The following LONP2 variants were observed in gnomAD, a reference collection of about 807,000 sequenced individuals.
LONP2 encodes lon protease homolog 2, peroxisomal.
LONP2 carries 60 observed loss-of-function variants against 85.6 expected under a neutral mutation model. The ratio of observed to expected loss-of-function variants is 0.70; its 90% CI spans 0.57 to 0.87. The LOEUF (loss-of-function observed/expected upper bound fraction) is 0.87, where lower values mean the gene tolerates loss of function less well. Among genes scored for constraint, LONP2 ranks in the 40% least tolerant of loss-of-function variants. LONP2 has a pLI of 0.00. For synonymous variants in LONP2, 395 were observed against 389.7 expected, an observed-to-expected ratio of 1.01 and a Z score of -0.16; for missense variants, 860 against 1,063.5, an observed-to-expected ratio of 0.81 and a Z score of 2.66.
rs1310597941 is a variant in LONP2 at position 48,248,828 on chromosome 16, G to T, written c.234-3303G>T. Among the ~76,000 whole-genome samples the T allele has an allele frequency of 2.7e-5, 4 of 149,474 alleles. No homozygotes were observed. In the East Asian group the frequency reaches 7.8e-4, roughly 29 times the overall value. On this transcript the variant is annotated intron_variant, in intron 1 of 14. Transcript: ENST00000285737. ...GCCCAGGTGATCGAAGCTGCAGTGA[G>T]CTATAATCGTACCACTGCACTCCAG...
intron 11 of LONP2, among the ~76,000 whole-genome samples, chr16:48,314,674 A>T (rs1420501409): frequency 6.6e-6 from 1 of 152,192 alleles, no homozygotes; most frequent in Non-Finnish European, 1.5e-5. Context: ...TGATCTTCTT[A>T]AATAAGTTTT....
At position 48,353,063 on chromosome 16, in the gene LONP2, A is replaced by G. The variant is rs1221530568; in HGVS notation, c.*1261A>G. The G allele has an allele frequency of 2.0e-5, 3 of 152,156 alleles. No homozygotes were observed. Among genetic ancestry groups the G allele is most frequent in the African/African-American group, 7.2e-5 (3 of 41,436 alleles). 9.4% of individuals were successfully genotyped at this position (152,156 alleles called of 1,614,324 possible). On this transcript the variant is annotated 3_prime_UTR_variant, in exon 15 of 15. Coordinates refer to ENST00000285737, the MANE Select transcript of LONP2 (RefSeq NM_031490.5). Reference sequence around the variant, plus strand: ...CATGAAATCCAAGTAATACTACCTAATTGTTACTGTGGAGATTAAGTTCAA... The same window carrying G: ...CATGAAATCCAAGTAATACTACCTAGTTGTTACTGTGGAGATTAAGTTCAA...
In LONP2 at chr16:48,351,891, C is replaced by A. The variant is rs1318568879; in HGVS notation, c.*89C>A. 6.5e-6 allele frequency: 6 copies of A among 923,590 alleles called. No individual in the cohort carries two copies. The highest frequency in any genetic ancestry group is 1.5e-5 in the South Asian group (1 of 66,344). 57.2% of individuals were successfully genotyped at this position (923,590 alleles called of 1,614,324 possible). A position where few individuals can be genotyped will look rare whatever the true frequency, so the allele number is the denominator to read the frequency against. On this transcript the variant is annotated 3_prime_UTR_variant, in exon 15 of 15. Coordinates refer to ENST00000285737, the MANE Select transcript of LONP2 (RefSeq NM_031490.5). Reference sequence around the variant, plus strand: ...TTTTATTCACACCATTAGGGGTATGCAAGATGTCCCTGTTTTATAAACATA... The same window carrying A: ...TTTTATTCACACCATTAGGGGTATGAAAGATGTCCCTGTTTTATAAACATA...
rs573297266 is a variant in LONP2 at position 48,354,239 on chromosome 16, G to A, written c.*2437G>A. 1.1e-5 allele frequency: 1 copy of A among 93,210 alleles called. No homozygotes were observed. The highest frequency in any genetic ancestry group is 3.7e-4 in the South Asian group (1 of 2,680). 5.8% of individuals were successfully genotyped at this position (93,210 alleles called of 1,614,324 possible). ...TTTTTTTTTTTTGAGATGGAGTCTT[G>A]CTCTGTTACCCAGGCTGCACTGCAG... On this transcript the variant is annotated 3_prime_UTR_variant, in exon 15 of 15. Coordinates refer to ENST00000285737, the MANE Select transcript of LONP2 (RefSeq NM_031490.5).
chr16:48,273,090 A>G (rs749655885), intron 7 of LONP2, among the ~76,000 whole-genome samples: 12 of 152,188 alleles, frequency 7.9e-5, no homozygotes, highest in African/African-American at 2.4e-4. Flanking sequence ...GTTAGAGTTC[A>G]TGAAAAGTTT....
chr16:48,262,034 G>A (rs1200634165), intron 5 of LONP2, among the ~76,000 whole-genome samples: 3 of 152,024 alleles, frequency 2.0e-5, no homozygotes, highest in Non-Finnish European at 2.9e-5. Flanking sequence ...TTAGTGAATT[G>A]TAGTGAGCCT....
At chr16:48,253,083 G>A (rs1971687534) in intron 2 of LONP2, among the ~76,000 whole-genome samples, 1 of 152,206 alleles carries the variant, frequency 6.6e-6, no homozygotes, top group Non-Finnish European at 1.5e-5. Context: ...ATTGAAATAT[G>A]TGTGGGGCAA....
At chr16:48,289,016 GTCTA>G (rs1972506413) in intron 8 of LONP2, among the ~76,000 whole-genome samples, 1 of 152,034 alleles carries the variant, frequency 6.6e-6, no homozygotes, top group East Asian at 1.9e-4. Flanking sequence ...TTCATAATAT[GTCTA>G]TCCTAGCTTA....
intron 11 of LONP2, among the ~76,000 whole-genome samples, chr16:48,319,048 T>G (rs1247113491): frequency 6.6e-6 from 1 of 151,250 alleles, no homozygotes; most frequent in Non-Finnish European, 1.5e-5. Context: ...CATGAGTGCA[T>G]TTATGTTAAC....
chr16:48,319,380 A>G (rs1256044396), intron 11 of LONP2, among the ~76,000 whole-genome samples: 1 of 151,764 alleles, frequency 6.6e-6, no homozygotes, highest in Non-Finnish European at 1.5e-5. Context: ...AGACTCTCTC[A>G]AAAAAAATAA....
chr16:48,336,638 T>C (rs1432167271), intron 12 of LONP2: 4 of 337,070 alleles, frequency 1.2e-5, no homozygotes, highest in South Asian at 2.3e-5. Context: ...AGGTGCTCAG[T>C]TGGGGAGCTT....
Position 48,352,114 on chromosome 16 carries a change from T to G in LONP2, c.*312T>G, listed in dbSNP as rs1284970390. ...GTAGTACCTGGTAACTTGTTAGAAA[T>G]GTACATTCTCAGGCTCCACAGCAGG... is the stretch of plus-strand genomic sequence containing the variant. On this transcript the variant is annotated 3_prime_UTR_variant, in exon 15 of 15. Coordinates refer to ENST00000285737, the MANE Select transcript of LONP2 (RefSeq NM_031490.5). 3 of 277,346 alleles carry G rather than the reference T, an allele frequency of 1.1e-5. No homozygotes were observed. The South Asian group carries it at 1.9e-4, about 18-fold the overall frequency. The allele number at this position is 277,346 out of a possible 1,614,324, so 17.2% of individuals were successfully genotyped here. A position where few individuals can be genotyped will look rare whatever the true frequency, so the allele number is the denominator to read the frequency against.
At chr16:48,278,295 C>T (rs1421008537) in intron 8 of LONP2, among the ~76,000 whole-genome samples, 5 of 152,038 alleles carry the variant, frequency 3.3e-5, no homozygotes, top group African/African-American at 9.7e-5. Flanking sequence ...CTTAAGCGTC[C>T]GGTCTGAACT....
chr16:48,259,389 A>G (rs1400707082), intron 4 of LONP2, among the ~76,000 whole-genome samples: 3 of 152,190 alleles, frequency 2.0e-5, no homozygotes, highest in Non-Finnish European at 4.4e-5. Flanking sequence ...ATTATCATCT[A>G]TTACATTTAT....
At chr16:48,300,874 C>T (rs1319502683) in intron 10 of LONP2, among the ~76,000 whole-genome samples, 1 of 152,152 alleles carries the variant, frequency 6.6e-6, no homozygotes, top group Non-Finnish European at 1.5e-5. Flanking sequence ...ATAGCTTCCC[C>T]ATCTGTAAAA....
intron 2 of LONP2, among the ~76,000 whole-genome samples, chr16:48,253,204 G>A (rs1269572834): frequency 6.6e-6 from 1 of 152,098 alleles, no homozygotes; most frequent in East Asian, 1.9e-4. Flanking sequence ...GTGCGCTGGT[G>A]CACACCTGTA....
At chr16:48,247,464 G>GGTTAAATGAGTTAAAATTTAATCATTTAA (rs140055185) in intron 1 of LONP2, 1 of 152,362 alleles carries the variant, frequency 6.6e-6, no homozygotes, top group African/African-American at 2.4e-5. Flanking sequence ...AGAGTGGCAG[G>GGTTAAATGAGTTAAAATTTAATCATTTAA]ATTAGATGTT....
In LONP2 at chr16:48,296,126, G is replaced by A; in HGVS notation, c.1495G>A (p.Ala499Thr). Residue 499 changes from alanine to threonine, a missense_variant, in exon 9 of 15, where the codon GCT (alanine) becomes ACT (threonine). By Grantham distance (58) the Ala-to-Thr change is moderately conservative. Around this residue, in one of 3 missense-constraint regions of LONP2, gnomAD observed 743 missense variants for 917.3 expected, o/e 0.81. Coordinates refer to ENST00000285737, the MANE Select transcript of LONP2 (RefSeq NM_031490.5). Reference protein sequence around the residue: ...ATANTTATIPAALLDRMEIIQ... With the variant: ...ATANTTATIPTALLDRMEIIQ... Reference sequence around the variant, plus strand: ...TGCCAACACCACTGCTACCATTCCAGCTGCCTTGTTGGACAGAATGGAGAT... The same window carrying A: ...TGCCAACACCACTGCTACCATTCCAACTGCCTTGTTGGACAGAATGGAGAT... 1 of 1,614,170 alleles carries A rather than the reference G, an allele frequency of 6.2e-7. No individual in the cohort carries two copies. Among genetic ancestry groups the A allele is most frequent in the Non-Finnish European group, 8.5e-7 (1 of 1,180,034 alleles).
intron 6 of LONP2, among the ~76,000 whole-genome samples, chr16:48,266,494 T>C (rs1308454515): frequency 6.6e-6 from 1 of 152,128 alleles, no homozygotes; most frequent in Non-Finnish European, 1.5e-5. Flanking sequence ...CTTCATGCTC[T>C]TTGATAATCC....
Sources: allele counts gnomAD v4.1 joint callset (sites outside exome capture counted in the v4.1 genomes callset), GRCh38; gene constraint gnomAD v4.1.1; regional missense constraint gnomAD v4.1.1; transcripts MANE v1.5; gene names NCBI Gene and HGNC (gene_info 2026-07-23, HGNC 2026-07-21).